Variants in AK9 observed in about 807,000 individuals in gnomAD.
The protein encoded by AK9 is adenylate kinase domain containing 1.
In AK9, 191 loss-of-function variants were observed where a neutral mutation model predicts 239.6. That is an observed-to-expected ratio of 0.80 (90% CI 0.71 to 0.90). The LOEUF is 0.90. Ranked by LOEUF, AK9 falls within the 40% of genes least tolerant of loss-of-function variation. AK9 has a pLI of 0.00. For synonymous variants in AK9, 689 were observed against 721.0 expected, an observed-to-expected ratio of 0.96 and a Z score of 0.71; for missense variants, 1,995 against 2,214.7, an observed-to-expected ratio of 0.90 and a Z score of 1.99.
intron 2 of AK9, among the ~76,000 whole-genome samples, 186 bp downstream of exon 2, chr6:109,675,443 C>A (rs1771569849): frequency 6.6e-6 from 1 of 151,996 alleles, no homozygotes; most frequent in African/African-American, 2.4e-5. Flanking sequence ...CATATGTGTG[C>A]ATGTGTGCAA....
intron 17 of AK9, among the ~76,000 whole-genome samples, chr6:109,604,136 G>A (rs891808182): frequency 6.6e-6 from 1 of 152,140 alleles, no homozygotes; most frequent in Non-Finnish European, 1.5e-5. Flanking sequence ...AGTTGGAAAT[G>A]CGGAAATCAC....
chr6:109,497,090 C>T (rs1328446914), intron 38 of AK9, among the ~76,000 whole-genome samples: 1 of 152,020 alleles, frequency 6.6e-6, no homozygotes, highest in Non-Finnish European at 1.5e-5. Flanking sequence ...TACCCTAGAC[C>T]AGGTTTGTTG....
intron 26 of AK9, 120 bp downstream of exon 26, chr6:109,545,747 G>T: frequency 7.9e-7 from 1 of 1,258,634 alleles, no homozygotes; most frequent in Non-Finnish European, 1.1e-6. Flanking sequence ...AGGCTTTGGT[G>T]AGCTGTGATT....
chr6:109,557,114 G>A (rs1410212603), intron 24 of AK9, among the ~76,000 whole-genome samples: 4 of 151,982 alleles, frequency 2.6e-5, no homozygotes, highest in East Asian at 1.9e-4. Context: ...TTCTATCTTC[G>A]TGAGTTTGTC....
intron 32 of AK9, 115 bp from the exon 33 acceptor site, chr6:109,509,495 C>T: frequency 1.1e-6 from 1 of 916,934 alleles, no homozygotes; most frequent in South Asian, 1.8e-5. Flanking sequence ...TCTAATGATC[C>T]TGTCCCCCAA....
At chr6:109,627,553 T>A (rs1795687900) in intron 12 of AK9, among the ~76,000 whole-genome samples, 1 of 152,230 alleles carries the variant, frequency 6.6e-6, no homozygotes, top group Non-Finnish European at 1.5e-5. Flanking sequence ...CTACAATGGC[T>A]ATGACTTCAC....
At chr6:109,569,648 A>T (rs1251000307) in intron 21 of AK9, among the ~76,000 whole-genome samples, 1 of 152,202 alleles carries the variant, frequency 6.6e-6, no homozygotes. Flanking sequence ...TCAAAAGAAG[A>T]CATTTCTGCA....
intron 26 of AK9, 105 bp downstream of exon 26, chr6:109,545,762 C>T: frequency 7.3e-7 from 1 of 1,376,208 alleles, no homozygotes; most frequent in Non-Finnish European, 9.7e-7. Flanking sequence ...GTGATTGTGC[C>T]ACTGCCTTCC....
At chr6:109,510,307 C>T (rs1010223279) in intron 32 of AK9, among the ~76,000 whole-genome samples, 1 of 152,094 alleles carries the variant, frequency 6.6e-6, no homozygotes, top group African/African-American at 2.4e-5. Flanking sequence ...ACAGGATGAC[C>T]AGCTGCAGAA....
At chr6:109,531,114 G>A (rs1781185846) in intron 28 of AK9, among the ~76,000 whole-genome samples, 1 of 152,204 alleles carries the variant, frequency 6.6e-6, no homozygotes, top group Admixed American at 6.5e-5. Flanking sequence ...GGTGGCTGCT[G>A]CAGAGAAGGG....
chr6:109,575,891 T>G (rs901690191), intron 20 of AK9, among the ~76,000 whole-genome samples: 3 of 152,210 alleles, frequency 2.0e-5, no homozygotes, highest in Non-Finnish European at 2.9e-5. Flanking sequence ...GCTTGCCAAT[T>G]ATCCCAGCAC....
chr6:109,539,814 T>C (rs969070697), intron 27 of AK9, among the ~76,000 whole-genome samples: 1 of 152,222 alleles, frequency 6.6e-6, no homozygotes, highest in African/African-American at 2.4e-5. Flanking sequence ...TTAGTTTTCC[T>C]TTTAACAGTT....
chr6:109,541,567 C>T (rs1200218342), intron 27 of AK9, among the ~76,000 whole-genome samples: 1 of 152,194 alleles, frequency 6.6e-6, no homozygotes, highest in African/African-American at 2.4e-5. Context: ...TGTGCCACCA[C>T]ACCCAGCTAA....
Position 109,573,647 on chromosome 6 carries a change from T to A in AK9, c.2192-53A>T. Reference sequence around the variant, plus strand: ...CATTTGGTTGAAGTCAACAAATATTTATTGGGTGTTGATAAGTGCTGAAGC... The same window carrying A: ...CATTTGGTTGAAGTCAACAAATATTAATTGGGTGTTGATAAGTGCTGAAGC... On this transcript the variant is annotated intron_variant, in intron 20 of 40. Coordinates refer to ENST00000424296, the MANE Select transcript of AK9 (RefSeq NM_001145128.3). 3 of 1,486,796 alleles carry A rather than the reference T, an allele frequency of 2.0e-6. No homozygotes were observed. In the East Asian group the frequency reaches 7.4e-5, roughly 37 times the overall value. 92.1% of individuals were successfully genotyped at this position (1,486,796 alleles called of 1,614,324 possible).
chr6:109,593,223 A>C (rs1191570676), intron 17 of AK9, among the ~76,000 whole-genome samples: 1 of 152,002 alleles, frequency 6.6e-6, no homozygotes, highest in African/African-American at 2.4e-5. Flanking sequence ...AATCTATCTC[A>C]TCTTTCATAT....
chr6:109,579,025 G>A (rs1177912982), intron 20 of AK9, among the ~76,000 whole-genome samples: 6 of 152,304 alleles, frequency 3.9e-5, no homozygotes, highest in East Asian at 1.9e-4. Flanking sequence ...AGAATGTTCT[G>A]TAATTATCTG....
chr6:109,633,421 T>A, intron 10 of AK9, 98 bp from the exon 11 acceptor site: 1 of 1,287,778 alleles, frequency 7.8e-7, no homozygotes, highest in East Asian at 2.7e-5. Flanking sequence ...TGCTTTACTA[T>A]TTAAGAAATA....
intron 8 of AK9, among the ~76,000 whole-genome samples, chr6:109,648,006 A>G (rs1403749040): frequency 2.0e-5 from 3 of 152,310 alleles, no homozygotes; most frequent in South Asian, 4.1e-4. Flanking sequence ...ACATAATGAA[A>G]TGAAGGCAGA....
intron 17 of AK9, among the ~76,000 whole-genome samples, chr6:109,604,313 G>C (rs184193281): frequency 1.6e-3 from 245 of 152,150 alleles, no homozygotes; most frequent in African/African-American, 4.9e-3. Flanking sequence ...TGGAATCCTT[G>C]ACCATTCCAA....
Sources: gnomAD v4.1 joint callset for allele counts (sites outside exome capture counted in the v4.1 genomes callset) on GRCh38, gnomAD v4.1.1 for gene constraint, MANE v1.5 for transcripts, NCBI Gene and HGNC (gene_info 2026-07-23, HGNC 2026-07-21) for gene names.